DRD5: variants seen among roughly 807,000 people sequenced by gnomAD.
DRD5 encodes D(1B) dopamine receptor.
For synonymous variants in DRD5, 327 were observed against 277.1 expected (o/e 1.18, Z -1.79); for missense variants, 758 against 657.8 (o/e 1.15, Z -1.67).
chr4:9,782,934 T>C lies in DRD5; in HGVS notation c.905T>C (p.Met302Thr), dbSNP rs557890668. The change falls in exon 1 of 1, where the codon ATG becomes ACG. Residue 302 changes from methionine (M) to threonine (T), a missense_variant. Coordinates refer to ENST00000304374, the MANE Select transcript of DRD5 (RefSeq NM_000798.5). ...TKVLKTLSVI[M>T]GVFVCCWLPF... ...GTTCTCAAGACCCTGTCGGTGATCA[T>C]GGGGGTCTTCGTGTGTTGCTGGCTG... 28 of 1,613,950 alleles carry C rather than the reference T, an allele frequency of 1.7e-5. No individual in the cohort carries two copies. In the East Asian group the frequency reaches 4.0e-4, roughly 23 times the overall value.
rs1455554635 is a variant in DRD5, at chr4:9,783,915, C to A, written c.*452C>A. Reference sequence around the variant, plus strand: ...GATTCCCGTGGCTTTGTGCTTATGTCATTTCTTCTCTCTGTGCTGGTGGGG... The same window carrying A: ...GATTCCCGTGGCTTTGTGCTTATGTAATTTCTTCTCTCTGTGCTGGTGGGG... On this transcript the variant is annotated 3_prime_UTR_variant, in exon 1 of 1. Coordinates refer to ENST00000304374, the MANE Select transcript of DRD5 (RefSeq NM_000798.5). 5 of 174,082 alleles carry A rather than the reference C, an allele frequency of 2.9e-5. No individual in the cohort carries two copies. The allele number at this position is 174,082 out of a possible 1,614,324, so 10.8% of individuals were successfully genotyped here.
chr4:9,781,998 G>T lies in DRD5; in HGVS notation c.-32G>T, dbSNP rs368710755. On this transcript the variant is annotated 5_prime_UTR_variant, in exon 1 of 1. Transcript: ENST00000304374. The stretch of plus-strand genomic sequence containing the variant: ...GGGTCGCAGGGCTGAAGTTGGGACC[G>T]CGCACAGACCGCCCCTGCAGTCCAG... The T allele has an allele frequency of 2.4e-4, 348 of 1,426,686 alleles. No individual in the cohort carries two copies. In the African/African-American group the frequency reaches 4.8e-3, roughly 20 times the overall value. 88.4% of individuals were successfully genotyped at this position (1,426,686 alleles called of 1,614,324 possible).
chr4:9,782,091 T>A lies in DRD5; in HGVS notation c.62T>A (p.Leu21Gln), dbSNP rs761432622. 11 of 1,525,202 alleles carry A rather than the reference T, an allele frequency of 7.2e-6. No homozygotes were observed. The Admixed American group carries it at 1.5e-4, about 20-fold the overall frequency. 94.5% of individuals were successfully genotyped at this position (1,525,202 alleles called of 1,614,324 possible). A position where few individuals can be genotyped will look rare whatever the true frequency, so the allele number is the denominator to read the frequency against. Residue 21 changes from leucine to glutamine, a missense_variant, in exon 1 of 1, where the codon CTG (leucine) becomes CAG (glutamine). Transcript: ENST00000304374. ...GGGCAGTTCGCTCTATACCAGCAGCTGGCGCAGGGGAACGCCGTGGGGGGC... is the reference window on the plus strand; with the variant it reads ...GGGCAGTTCGCTCTATACCAGCAGCAGGCGCAGGGGAACGCCGTGGGGGGC... ...YPGQFALYQQ[L>Q]AQGNAVGGSA...
In DRD5 at chr4:9,782,615, A is replaced by C. The variant is rs759158462; in HGVS notation, c.586A>C (p.Asn196His). The C allele has an allele frequency of 1.9e-6, 3 of 1,613,898 alleles. No individual in the cohort carries two copies. The highest frequency in any genetic ancestry group is 1.7e-5 in the Admixed American group (1 of 60,024). ...TTGGGGCGGGCTGGACCTGCCAAACAACCTGGCCAACTGGACGCCCTGGGA... is the reference window on the plus strand; with the variant it reads ...TTGGGGCGGGCTGGACCTGCCAAACCACCTGGCCAACTGGACGCCCTGGGA... Reference protein sequence around the residue: ...ASWGGLDLPNNLANWTPWEED... With the variant: ...ASWGGLDLPNHLANWTPWEED... Residue 196 changes from asparagine (N) to histidine (H), a missense_variant, in exon 1 of 1, where the codon AAC (asparagine) becomes CAC (histidine). Transcript: ENST00000304374.
Position 9,782,027 on chromosome 4 carries a change from GAAAT to G in DRD5, c.-2_2del. 6.9e-7 allele frequency: 1 copy of G among 1,457,684 alleles called. No individual in the cohort carries two copies. The highest frequency in any genetic ancestry group is 9.0e-7 in the Non-Finnish European group (1 of 1,109,844). The allele number at this position is 1,457,684 out of a possible 1,614,324, so 90.3% of individuals were successfully genotyped here. A position where few individuals can be genotyped will look rare whatever the true frequency, so the allele number is the denominator to read the frequency against. On this transcript the variant is annotated start_lost and 5_prime_UTR_variant, in exon 1 of 1. Transcript: ENST00000304374. Reference sequence around the variant, plus strand: ...ACAGACCGCCCCTGCAGTCCAGCCCGAAATGCTGCCGCCAGGCAGCAACGGCACC... The same window carrying G: ...ACAGACCGCCCCTGCAGTCCAGCCCGGCTGCCGCCAGGCAGCAACGGCACC...
chr4:9,782,418 A>G lies in DRD5; in HGVS notation c.389A>G (p.Asn130Ser), dbSNP rs1718563272. The G allele has an allele frequency of 6.2e-7, 1 of 1,613,696 alleles. No individual in the cohort carries two copies. The highest frequency in any genetic ancestry group is 8.5e-7 in the Non-Finnish European group (1 of 1,179,812). The change falls in exon 1 of 1, where the codon AAC (asparagine) becomes AGC (serine). Residue 130 changes from asparagine (N) to serine (S), a missense_variant. Transcript: ENST00000304374. ...DIMCSTASILNLCVISVDRYW... is the reference protein window; with the variant it reads ...DIMCSTASILSLCVISVDRYW... ...ATGTGCTCCACTGCCTCCATCCTGA[A>G]CCTGTGCGTCATCAGCGTGGACCGC...
At position 9,783,127 on chromosome 4, in the gene DRD5, G is replaced by A; in HGVS notation, c.1098G>A (p.Gln366=). 1 of 1,614,236 alleles carries A rather than the reference G, an allele frequency of 6.2e-7. No individual in the cohort carries two copies. Among genetic ancestry groups the A allele is most frequent in the African/African-American group, 1.3e-5 (1 of 75,070 alleles). ...TCTATGCCTTCAACGCCGACTTTCA[G>A]AAGGTGTTTGCCCAGCTGCTGGGGT... is the stretch of plus-strand genomic sequence containing the variant. ...PVIYAFNADF[Q]KVFAQLLGCS... is the part of the protein sequence containing the mutation. Residue 366 remains glutamine (Q), a synonymous_variant, in exon 1 of 1, where the codon CAG becomes CAA. Coordinates refer to ENST00000304374, the MANE Select transcript of DRD5 (RefSeq NM_000798.5).
rs776114395 is a variant in DRD5 at position 9,783,387 on chromosome 4, C to G, written c.1358C>G (p.Ser453Cys). The change falls in exon 1 of 1, where the codon TCT becomes TGT. Residue 453 changes from serine (S) to cysteine (C), a missense_variant. Transcript: ENST00000304374. ...TSPDGDPVAE[S>C]VWELDCEGEI... Reference sequence around the variant, plus strand: ...CCAGATGGTGACCCTGTTGCTGAGTCTGTCTGGGAGCTGGACTGCGAGGGG... The same window carrying G: ...CCAGATGGTGACCCTGTTGCTGAGTGTGTCTGGGAGCTGGACTGCGAGGGG... 6.0e-5 allele frequency: 97 copies of G among 1,614,114 alleles called. 2 individuals carry two copies. In the Middle Eastern group the frequency reaches 6.6e-4, roughly 11 times the overall value.
At position 9,782,650 on chromosome 4, in the gene DRD5, T is replaced by C. The variant is rs1391251674; in HGVS notation, c.621T>C (p.Phe207=). The change falls in exon 1 of 1, where the codon TTT becomes TTC. Residue 207 remains phenylalanine (F), a synonymous_variant. Transcript: ENST00000304374. ...ACTGGACGCCCTGGGAGGAGGACTT[T>C]TGGGAGCCCGACGTGAATGCAGAGA... is the stretch of plus-strand genomic sequence containing the variant. The part of the protein sequence containing the change: ...LANWTPWEED[F]WEPDVNAENC... 6.8e-6 allele frequency: 11 copies of C among 1,613,868 alleles called. No homozygotes were observed. Among genetic ancestry groups the C allele is most frequent in the African/African-American group, 1.3e-5 (1 of 74,922 alleles).
Position 9,782,851 on chromosome 4 carries a change from C to T in DRD5, c.822C>T (p.Ser274=). The change falls in exon 1 of 1, where the codon AGC becomes AGT. Residue 274 remains serine, a synonymous_variant. Transcript: ENST00000304374. ...RAAEHAQSCR[S]SAACAPDTSL... The stretch of plus-strand genomic sequence containing the variant: ...CAGAGCACGCGCAGAGCTGCCGGAG[C>T]AGCGCAGCCTGCGCGCCCGACACCA... The T allele has an allele frequency of 6.2e-7, 1 of 1,612,444 alleles. No homozygotes were observed. The highest frequency in any genetic ancestry group is 8.5e-7 in the Non-Finnish European group (1 of 1,179,594).
rs1718824434 is a variant in DRD5 at position 9,783,589 on chromosome 4, G to GT, written c.*127dup. The GT allele has an allele frequency of 1.1e-6, 1 of 934,642 alleles. No homozygotes were observed. The highest frequency in any genetic ancestry group is 1.6e-6 in the Non-Finnish European group (1 of 630,668). 57.9% of individuals were successfully genotyped at this position (934,642 alleles called of 1,614,324 possible). On this transcript the variant is annotated 3_prime_UTR_variant, in exon 1 of 1. Transcript: ENST00000304374. ...ATCATGTGTTTCTGTGTAGTAGCTC[G>GT]TGTGCTTAGAAACCTCACCCCATTG...
rs1718813819 is a variant in DRD5, at chr4:9,783,525, A to G, written c.*62A>G. On this transcript the variant is annotated 3_prime_UTR_variant, in exon 1 of 1. Coordinates refer to ENST00000304374, the MANE Select transcript of DRD5 (RefSeq NM_000798.5). The stretch of plus-strand genomic sequence containing the variant: ...CGCACAGACATTGACAAGCACGCAC[A>G]CACACGCAAATACATGCCTTTCCAG... 6.9e-7 allele frequency: 1 copy of G among 1,451,712 alleles called. No individual in the cohort carries two copies. Among genetic ancestry groups the G allele is most frequent in the South Asian group, 1.3e-5 (1 of 74,876 alleles). 89.9% of individuals were successfully genotyped at this position (1,451,712 alleles called of 1,614,324 possible). A position where few individuals can be genotyped will look rare whatever the true frequency, so the allele number is the denominator to read the frequency against.
In DRD5 at chr4:9,782,005, G is replaced by A; in HGVS notation, c.-25G>A. 2 of 1,433,370 alleles carry A rather than the reference G, an allele frequency of 1.4e-6. No individual in the cohort carries two copies. The highest frequency in any genetic ancestry group is 1.8e-6 in the Non-Finnish European group (2 of 1,095,994). 88.8% of individuals were successfully genotyped at this position (1,433,370 alleles called of 1,614,324 possible). The stretch of plus-strand genomic sequence containing the variant: ...AGGGCTGAAGTTGGGACCGCGCACA[G>A]ACCGCCCCTGCAGTCCAGCCCGAAA... On this transcript the variant is annotated 5_prime_UTR_variant, in exon 1 of 1. Coordinates refer to ENST00000304374, the MANE Select transcript of DRD5 (RefSeq NM_000798.5).
chr4:9,782,554 G>T lies in DRD5; in HGVS notation c.525G>T (p.Pro175=). ...WTLSILISFI[P]VQLNWHRDQA... is the part of the protein sequence containing the mutation. ...TGTCCATCCTCATCTCCTTCATTCCGGTCCAGCTCAACTGGCACAGGGACC... is the reference window on the plus strand; with the variant it reads ...TGTCCATCCTCATCTCCTTCATTCCTGTCCAGCTCAACTGGCACAGGGACC... Residue 175 remains proline, a synonymous_variant, in exon 1 of 1, where the codon CCG becomes CCT. Coordinates refer to ENST00000304374, the MANE Select transcript of DRD5 (RefSeq NM_000798.5). 1 of 1,613,876 alleles carries T rather than the reference G, an allele frequency of 6.2e-7. No homozygotes were observed. The highest frequency in any genetic ancestry group is 8.5e-7 in the Non-Finnish European group (1 of 1,179,852).
Position 9,782,510 on chromosome 4 carries a change from G to A in DRD5, c.481G>A (p.Val161Ile). The A allele has an allele frequency of 1.2e-6, 2 of 1,614,002 alleles. No homozygotes were observed. The highest frequency in any genetic ancestry group is 1.7e-5 in the Admixed American group (1 of 60,024). The change falls in exon 1 of 1, where the codon GTC (valine) becomes ATC (isoleucine). Residue 161 changes from valine (V) to isoleucine (I), a missense_variant. Val to Ile is a conservative substitution (Grantham distance 29, BLOSUM62 3). Transcript: ENST00000304374. Reference sequence around the variant, plus strand: ...GACTCAGCGCATGGCCTTGGTCATGGTCGGCCTGGCATGGACCTTGTCCAT... The same window carrying A: ...GACTCAGCGCATGGCCTTGGTCATGATCGGCCTGGCATGGACCTTGTCCAT... ...KMTQRMALVM[V>I]GLAWTLSILI... is the part of the protein sequence containing the mutation.
In DRD5 at chr4:9,782,293, T is replaced by C. The variant is rs76288744; in HGVS notation, c.264T>C (p.Leu88=). The C allele has an allele frequency of 6.2e-7, 1 of 1,613,994 alleles. No homozygotes were observed. The highest frequency in any genetic ancestry group is 1.7e-5 in the Admixed American group (1 of 60,028). ...VFIVSLAVSD[L]FVALLVMPWK... is the part of the protein sequence containing the mutation. ...TCGTGTCTCTGGCCGTGTCAGACCT[T>C]TTCGTGGCGCTGCTGGTCATGCCCT... Residue 88 remains leucine, a synonymous_variant, in exon 1 of 1, where the codon CTT becomes CTC. Transcript: ENST00000304374.
chr4:9,782,020 C>G lies in DRD5; in HGVS notation c.-10C>G, dbSNP rs748676694. The G allele has an allele frequency of 6.9e-6, 10 of 1,455,106 alleles. No homozygotes were observed. Among genetic ancestry groups the G allele is most frequent in the African/African-American group, 1.4e-5 (1 of 70,260 alleles). The allele number at this position is 1,455,106 out of a possible 1,614,324, so 90.1% of individuals were successfully genotyped here. ...ACCGCGCACAGACCGCCCCTGCAGTCCAGCCCGAAATGCTGCCGCCAGGCA... is the reference window on the plus strand; with the variant it reads ...ACCGCGCACAGACCGCCCCTGCAGTGCAGCCCGAAATGCTGCCGCCAGGCA... On this transcript the variant is annotated 5_prime_UTR_variant, in exon 1 of 1. Coordinates refer to ENST00000304374, the MANE Select transcript of DRD5 (RefSeq NM_000798.5).
chr4:9,782,035 G>A lies in DRD5; in HGVS notation c.6G>A (p.Leu2=), dbSNP rs767580702. The change falls in exon 1 of 1, where the codon CTG becomes CTA. Residue 2 remains leucine, a synonymous_variant. Coordinates refer to ENST00000304374, the MANE Select transcript of DRD5 (RefSeq NM_000798.5). The part of the protein sequence containing the change: M[L]PPGSNGTAYP... ...CCCCTGCAGTCCAGCCCGAAATGCT[G>A]CCGCCAGGCAGCAACGGCACCGCGT... 5 of 1,465,916 alleles carry A rather than the reference G, an allele frequency of 3.4e-6. No homozygotes were observed. In the African/African-American group the frequency reaches 5.7e-5, roughly 17 times the overall value. 90.8% of individuals were successfully genotyped at this position (1,465,916 alleles called of 1,614,324 possible).
chr4:9,782,041 A>C lies in DRD5; in HGVS notation c.12A>C (p.Pro4=), dbSNP rs780035670. 6.8e-7 allele frequency: 1 copy of C among 1,469,402 alleles called. No homozygotes were observed. Among genetic ancestry groups the C allele is most frequent in the Non-Finnish European group, 9.0e-7 (1 of 1,114,664 alleles). 91.0% of individuals were successfully genotyped at this position (1,469,402 alleles called of 1,614,324 possible). ...CAGTCCAGCCCGAAATGCTGCCGCC[A>C]GGCAGCAACGGCACCGCGTACCCGG... The part of the protein sequence containing the change: MLP[P]GSNGTAYPGQ... Residue 4 remains proline (P), a synonymous_variant, in exon 1 of 1, where the codon CCA becomes CCC. Coordinates refer to ENST00000304374, the MANE Select transcript of DRD5 (RefSeq NM_000798.5).
Sources: allele counts gnomAD v4.1 joint callset, GRCh38; gene constraint gnomAD v4.1.1; transcripts MANE v1.5; gene names NCBI Gene and HGNC (gene_info 2026-07-23, HGNC 2026-07-21).